The following MAGI1 variants were observed in gnomAD, a reference collection of about 807,000 sequenced individuals.
MAGI1 encodes the protein membrane-associated guanylate kinase, WW and PDZ domain-containing protein 1.
A neutral mutation model predicts 139.9 loss-of-function variants in MAGI1; 58 were observed. That is an observed-to-expected ratio of 0.41 (90% CI 0.34 to 0.52). The LOEUF is 0.52. Ranked by LOEUF, MAGI1 falls within the 20% of genes least tolerant of loss-of-function variation. MAGI1 has a pLI of 0.12. For synonymous variants in MAGI1, 812 were observed against 737.9 expected, an observed-to-expected ratio of 1.10 and a Z score of -1.63; for missense variants, 1,874 against 1,901.6, an observed-to-expected ratio of 0.99 and a Z score of 0.27.
At chr3:65,747,542 A>G (rs1046135946) in intron 1 of MAGI1, among the ~76,000 whole-genome samples, 1 of 152,202 alleles carries the variant, frequency 6.6e-6, no homozygotes, top group African/African-American at 2.4e-5. Flanking sequence ...CACATTTGTA[A>G]TTTCTCAATT....
chr3:65,937,914 AT>A (rs1260576259), intron 1 of MAGI1, among the ~76,000 whole-genome samples: 4 of 152,124 alleles, frequency 2.6e-5, no homozygotes, highest in African/African-American at 9.7e-5. Flanking sequence ...TATGGCATTT[AT>A]TTTTTTAATG....
intron 1 of MAGI1, among the ~76,000 whole-genome samples, chr3:65,887,890 T>A (rs1053368669): frequency 1.3e-5 from 2 of 152,172 alleles, no homozygotes; most frequent in East Asian, 1.9e-4. Flanking sequence ...TCCTAAATGA[T>A]CATGCACATA....
chr3:66,023,110 C>T (rs531247121), intron 1 of MAGI1, among the ~76,000 whole-genome samples: 1 of 152,150 alleles, frequency 6.6e-6, no homozygotes, highest in Admixed American at 6.5e-5. Flanking sequence ...TCGGGGCATA[C>T]AGTAGTCTAA....
At chr3:65,683,845 G>C (rs1559783881) in intron 1 of MAGI1, among the ~76,000 whole-genome samples, 1 of 151,756 alleles carries the variant, frequency 6.6e-6, no homozygotes. Flanking sequence ...TCATACTGCT[G>C]GTGAGATGTA....
At chr3:65,692,124 T>G (rs115002296) in intron 1 of MAGI1, among the ~76,000 whole-genome samples, 8,591 of 152,120 alleles carry the variant, frequency 0.056, 792 homozygotes, top group African/African-American at 0.2. Flanking sequence ...AAAAAAAATG[T>G]GATCTGGACA....
intron 1 of MAGI1, among the ~76,000 whole-genome samples, chr3:65,728,327 G>A (rs970076263): frequency 2.6e-5 from 4 of 152,170 alleles, no homozygotes; most frequent in Non-Finnish European, 4.4e-5. Context: ...GGCCTAAGAT[G>A]AGCTGGAGAT....
At chr3:65,699,548 TA>T (rs2089452475) in intron 1 of MAGI1, among the ~76,000 whole-genome samples, 1 of 144,152 alleles carries the variant, frequency 6.9e-6, no homozygotes, top group Non-Finnish European at 1.5e-5. Context: ...TATGCAGCCA[TA>T]AAAAATGATG....
intron 1 of MAGI1, among the ~76,000 whole-genome samples, chr3:65,969,797 A>T (rs1404642937): frequency 1.3e-5 from 2 of 152,230 alleles, no homozygotes; most frequent in Non-Finnish European, 2.9e-5. Flanking sequence ...AGCTCCTATT[A>T]TCGAAGAACT....
At position 65,364,858 on chromosome 3, in the gene MAGI1, C is replaced by A. The variant is rs1041901924; in HGVS notation, c.3285G>T (p.Glu1095Asp). The A allele has an allele frequency of 1.2e-6, 2 of 1,613,876 alleles. No individual in the cohort carries two copies. The highest frequency in any genetic ancestry group is 2.7e-5 in the African/African-American group (2 of 74,904). Reference protein sequence around the residue: ...THTPSQQGTQETRNTTKPKQE... With the variant: ...THTPSQQGTQDTRNTTKPKQE... ...GGAAACCAGTCATGTCTGACCTTGT[C>A]TCCTGGGTCCCTTGCTGAGAAGGGG... The change falls in exon 19 of 23, where the codon GAG (glutamate) becomes GAT (aspartate). Residue 1095 changes from glutamate (E) to aspartate (D), a missense_variant. This residue lies in a region of MAGI1 where 653 missense variants were observed against 644.5 expected (regional missense o/e 1.01). Transcript: ENST00000402939.
intron 1 of MAGI1, among the ~76,000 whole-genome samples, chr3:65,665,266 C>T (rs989476159): frequency 2.6e-5 from 4 of 152,106 alleles, no homozygotes; most frequent in Non-Finnish European, 5.9e-5. Context: ...TTAATGAATC[C>T]ACAATAATAT....
At chr3:65,687,945 G>C in intron 1 of MAGI1, 1 of 710,942 alleles carries the variant, frequency 1.4e-6, no homozygotes, top group African/African-American at 1.8e-5. Context: ...CAAGGAAAAT[G>C]GCTCTCAGTT....
chr3:65,671,181 G>C (rs1418288703), intron 1 of MAGI1, among the ~76,000 whole-genome samples: 1 of 152,164 alleles, frequency 6.6e-6, no homozygotes, highest in Non-Finnish European at 1.5e-5. Flanking sequence ...ATGTTGCCTA[G>C]TACTACAGAG....
intron 18 of MAGI1, among the ~76,000 whole-genome samples, chr3:65,374,313 C>CTTTTTTTTTTTTTTTTTTTTTTTTTTTT (rs3072933): frequency 2.1e-5 from 2 of 95,054 alleles, no homozygotes; most frequent in Non-Finnish European, 3.8e-5. Context: ...ATCAACTTAA[C>CTTTTTTTTTTTTTTTTTTTTTTTTTTTT]TTTTTTTTTT....
intron 12 of MAGI1, among the ~76,000 whole-genome samples, chr3:65,415,953 A>C (rs1482966405): frequency 6.6e-6 from 1 of 152,128 alleles, no homozygotes; most frequent in East Asian, 1.9e-4. Context: ...AATCCCATTA[A>C]TTCATGGGCA....
chr3:65,950,093 AC>A (rs71105958), intron 1 of MAGI1, among the ~76,000 whole-genome samples: 2,717 of 14,086 alleles, frequency 0.19, 98 homozygotes, highest in East Asian at 0.32. Context: ...AAAAAAACAA[AC>A]AAAAAAAAAA....
At chr3:65,463,726 G>A (rs948840609) in intron 5 of MAGI1, among the ~76,000 whole-genome samples, 3 of 152,070 alleles carry the variant, frequency 2.0e-5, no homozygotes, top group Non-Finnish European at 4.4e-5. Context: ...TATAACTCTG[G>A]TAGTATTTGG....
chr3:65,998,626 C>T (rs2066581019), intron 1 of MAGI1, among the ~76,000 whole-genome samples: 1 of 152,118 alleles, frequency 6.6e-6, no homozygotes, highest in Non-Finnish European at 1.5e-5. Context: ...TTGACTAGAG[C>T]CAAAAGATAA....
chr3:65,427,191 A>T (rs1947108323), intron 12 of MAGI1, among the ~76,000 whole-genome samples: 1 of 152,122 alleles, frequency 6.6e-6, no homozygotes, highest in African/African-American at 2.4e-5. Flanking sequence ...ATGCACCTAT[A>T]GTCTCAGCTA....
chr3:65,442,457 T>C (rs141359032), intron 8 of MAGI1, among the ~76,000 whole-genome samples: 1 of 150,658 alleles, frequency 6.6e-6, no homozygotes, highest in Non-Finnish European at 1.5e-5. Context: ...TCCCTCTTCA[T>C]CTGGTCTACT....
Sources: allele counts gnomAD v4.1 joint callset (sites outside exome capture counted in the v4.1 genomes callset), GRCh38; gene constraint gnomAD v4.1.1; regional missense constraint gnomAD v4.1.1; transcripts MANE v1.5; gene names NCBI Gene and HGNC (gene_info 2026-07-23, HGNC 2026-07-21).